The following HK2 variants were observed in gnomAD, a reference collection of about 807,000 sequenced individuals.
HK2 encodes the protein hexokinase-2.
A neutral mutation model predicts 92.9 loss-of-function variants in HK2; 42 were observed. That is an observed-to-expected ratio of 0.45 (90% CI 0.35 to 0.58). HK2 has a LOEUF of 0.58. HK2 is among the 20% of genes least tolerant of loss of function. The pLI, the probability that HK2 is intolerant of heterozygous loss-of-function variation, is 0.00. For synonymous variants in HK2, 422 were observed against 468.0 expected, an observed-to-expected ratio of 0.90 and a Z score of 1.27; for missense variants, 978 against 1,245.1, an observed-to-expected ratio of 0.79 and a Z score of 3.23.
intron 2 of HK2, among the ~76,000 whole-genome samples, chr2:74,863,021 A>G (rs1688866586): frequency 3.3e-5 from 5 of 152,228 alleles, no homozygotes; most frequent in Admixed American, 3.3e-4. Flanking sequence ...AAAGCTGAAC[A>G]TGCTCAGAGC....
At chr2:74,843,716 C>T (rs1317390072) in intron 1 of HK2, among the ~76,000 whole-genome samples, 3 of 152,158 alleles carry the variant, frequency 2.0e-5, no homozygotes, top group Non-Finnish European at 4.4e-5. Context: ...TTCCTTCTGG[C>T]ATCTCCATAT....
Position 74,885,590 on chromosome 2 carries a change from G to A in HK2, c.1935+1G>A. 1 of 1,604,406 alleles carries A rather than the reference G, an allele frequency of 6.2e-7. No individual in the cohort carries two copies. Among genetic ancestry groups the A allele is most frequent in the South Asian group, 1.1e-5 (1 of 90,928 alleles). On this transcript the variant is annotated splice_donor_variant, in intron 13 of 17. Coordinates refer to ENST00000290573, the MANE Select transcript of HK2 (RefSeq NM_000189.5). LOFTEE classifies it high-confidence loss of function. ...GAAGGAAGCGATCCACCGGCGAGAGGTAGGAGACACATGGCACGAGGTCTG... is the reference window on the plus strand; with the variant it reads ...GAAGGAAGCGATCCACCGGCGAGAGATAGGAGACACATGGCACGAGGTCTG...
chr2:74,881,571 G>C, intron 10 of HK2, 140 bp from the exon 11 acceptor site: 1 of 899,110 alleles, frequency 1.1e-6, no homozygotes, highest in Non-Finnish European at 1.8e-6. Flanking sequence ...GGACTCTTCT[G>C]TTCCTTCTGT....
intron 2 of HK2, among the ~76,000 whole-genome samples, chr2:74,863,946 CAAGG>C (rs1688890957): frequency 6.6e-6 from 1 of 152,336 alleles, no homozygotes; most frequent in Middle Eastern, 3.4e-3. Context: ...CATTGAGTGA[CAAGG>C]AAGAGCCAGA....
intron 1 of HK2, among the ~76,000 whole-genome samples, chr2:74,847,240 C>A (rs545937513): frequency 3.3e-5 from 5 of 152,262 alleles, no homozygotes; most frequent in African/African-American, 9.6e-5. Flanking sequence ...GAGGGTGTGC[C>A]CTGCAGACAC....
In HK2 at chr2:74,892,336, T is replaced by G. The variant is rs887445628; in HGVS notation, c.*1395T>G. ...CTCAGGGACAACATTTTTGGTGTAT[T>G]TGAGCCCTCCCAGCAAGTTTCACCT... On this transcript the variant is annotated 3_prime_UTR_variant, in exon 18 of 18. Coordinates refer to ENST00000290573, the MANE Select transcript of HK2 (RefSeq NM_000189.5). 1 of 152,180 alleles carries G rather than the reference T, an allele frequency of 6.6e-6. No individual in the cohort carries two copies. Among genetic ancestry groups the G allele is most frequent in the Non-Finnish European group, 1.5e-5 (1 of 68,028 alleles). The allele number at this position is 152,180 out of a possible 1,614,324, so 9.4% of individuals were successfully genotyped here. A position where few individuals can be genotyped will look rare whatever the true frequency, so the allele number is the denominator to read the frequency against.
Position 74,878,702 on chromosome 2 carries a change from T to C in HK2, c.1046T>C (p.Ile349Thr), listed in dbSNP as rs1352050850. ...CTGTTTCCCAGGGAGAAGGATGGCATCCGGAAGGCCCGTGAGGTCCTGATG... is the reference window on the plus strand; with the variant it reads ...CTGTTTCCCAGGGAGAAGGATGGCACCCGGAAGGCCCGTGAGGTCCTGATG... ...ISDIEGEKDGIRKAREVLMRL... is the reference protein window; with the variant it reads ...ISDIEGEKDGTRKAREVLMRL... Residue 349 changes from isoleucine (I) to threonine (T), a missense_variant, in exon 9 of 18, where the codon ATC becomes ACC. Coordinates refer to ENST00000290573, the MANE Select transcript of HK2 (RefSeq NM_000189.5). 1 of 1,605,996 alleles carries C rather than the reference T, an allele frequency of 6.2e-7. No individual in the cohort carries two copies. Among genetic ancestry groups the C allele is most frequent in the East Asian group, 2.2e-5 (1 of 44,620 alleles).
chr2:74,885,986 G>T (rs902529803), intron 13 of HK2, among the ~76,000 whole-genome samples: 1 of 151,922 alleles, frequency 6.6e-6, no homozygotes, highest in East Asian at 1.9e-4. Flanking sequence ...GCTAAACAAG[G>T]GGTGTATTAT....
chr2:74,867,720 A>G lies in HK2; in HGVS notation c.311A>G (p.Lys104Arg). 1 of 1,614,184 alleles carries G rather than the reference A, an allele frequency of 6.2e-7. No homozygotes were observed. The highest frequency in any genetic ancestry group is 8.5e-7 in the Non-Finnish European group (1 of 1,180,008). The change falls in exon 3 of 18, where the codon AAG (lysine) becomes AGG (arginine). Residue 104 changes from lysine to arginine, a missense_variant. This residue lies in a region of HK2 where 189 missense variants were observed against 289.5 expected (regional missense o/e 0.65). Transcript: ENST00000290573. ...AAAGTAACGGACAATGGGCTCCAGA[A>G]GGTGGAGATGGAGAATCAGATCTAT... Reference protein sequence around the residue: ...WVKVTDNGLQKVEMENQIYAI... With the variant: ...WVKVTDNGLQRVEMENQIYAI...
At chr2:74,846,359 T>C (rs1449185127) in intron 1 of HK2, among the ~76,000 whole-genome samples, 3 of 151,944 alleles carry the variant, frequency 2.0e-5, no homozygotes, top group African/African-American at 7.3e-5. Flanking sequence ...ATAATGCACA[T>C]GGGAAACTGA....
chr2:74,880,600 T>C (rs773018649), intron 10 of HK2, 31 bp downstream of exon 10: 2 of 1,603,708 alleles, frequency 1.2e-6, no homozygotes, highest in East Asian at 2.2e-5. Context: ...CTGGCTCACA[T>C]GGTGGGCCTT....
rs1165589605 is a variant in HK2, at chr2:74,892,288, A to T, written c.*1347A>T. 1.3e-5 allele frequency: 2 copies of T among 152,198 alleles called. No individual in the cohort carries two copies. The highest frequency in any genetic ancestry group is 2.9e-5 in the Non-Finnish European group (2 of 68,028). 9.4% of individuals were successfully genotyped at this position (152,198 alleles called of 1,614,324 possible). ...ATCCTCAACAACAAACCAAAACAGAACAATTAAACAGCCAAATAAAACCTC... is the reference window on the plus strand; with the variant it reads ...ATCCTCAACAACAAACCAAAACAGATCAATTAAACAGCCAAATAAAACCTC... On this transcript the variant is annotated 3_prime_UTR_variant, in exon 18 of 18. Transcript: ENST00000290573.
At chr2:74,857,310 C>T (rs1573366558) in intron 2 of HK2, among the ~76,000 whole-genome samples, 1 of 152,220 alleles carries the variant, frequency 6.6e-6, no homozygotes, top group African/African-American at 2.4e-5. Flanking sequence ...TTCACACAAA[C>T]ACTTCTGAGA....
chr2:74,881,944 T>C lies in HK2; in HGVS notation c.1719+85T>C, dbSNP rs1007568789. 1.0e-5 allele frequency: 16 copies of C among 1,532,198 alleles called. No homozygotes were observed. The African/African-American group carries it at 2.0e-4, about 20-fold the overall frequency. 94.9% of individuals were successfully genotyped at this position (1,532,198 alleles called of 1,614,324 possible). On this transcript the variant is annotated intron_variant, in intron 11 of 17. Coordinates refer to ENST00000290573, the MANE Select transcript of HK2 (RefSeq NM_000189.5). ...GGACAGTGCTTTCTCTGCTCATCTGTGACCCTGGGGAGGGCTAGCTGGACC... is the reference window on the plus strand; with the variant it reads ...GGACAGTGCTTTCTCTGCTCATCTGCGACCCTGGGGAGGGCTAGCTGGACC...
rs1688108731 is a variant in HK2 at position 74,834,758 on chromosome 2, C to A, written c.63+115C>A. The A allele has an allele frequency of 8.1e-7, 1 of 1,230,422 alleles. No individual in the cohort carries two copies. The highest frequency in any genetic ancestry group is 1.2e-6 in the Non-Finnish European group (1 of 840,562). 76.2% of individuals were successfully genotyped at this position (1,230,422 alleles called of 1,614,324 possible). ...TTCCTCCCTACTCCGGGCCTGGGAG[C>A]GGAAAAAGTTTGGGCAGCCGGGACA... On this transcript the variant is annotated intron_variant, in intron 1 of 17. Transcript: ENST00000290573. This position sits in a 1 kb window ranked among gnomAD's most constrained non-coding sequence, Gnocchi z 4.2.
At chr2:74,872,220 G>A (rs543155223) in intron 3 of HK2, 80 bp from the exon 4 acceptor site, 35 of 1,443,108 alleles carry the variant, frequency 2.4e-5, no homozygotes, top group African/African-American at 1.1e-4. Context: ...AGCTAGTTAC[G>A]TGCTGAGCCT....
At position 74,837,106 on chromosome 2, in the gene HK2, G is replaced by A. The variant is rs145409805; in HGVS notation, c.63+2463G>A. Among the ~76,000 whole-genome samples, 12 of 152,334 alleles carry A rather than the reference G, an allele frequency of 7.9e-5. No individual in the cohort carries two copies. In the East Asian group the frequency reaches 2.3e-3, roughly 29 times the overall value. ...ACCTGGCACTGTTCTAAGCTCTTAG[G>A]TATGTCAGCTTATTAACATTCAAAT... is the stretch of plus-strand genomic sequence containing the variant. On this transcript the variant is annotated intron_variant, in intron 1 of 17. Coordinates refer to ENST00000290573, the MANE Select transcript of HK2 (RefSeq NM_000189.5).
intron 2 of HK2, among the ~76,000 whole-genome samples, chr2:74,867,011 T>TAATAC (rs1688965167): frequency 6.6e-6 from 1 of 152,154 alleles, no homozygotes; most frequent in Admixed American, 6.5e-5. Context: ...GCTTGCAATT[T>TAATAC]GGTGTTCTGG....
rs183847619 is a variant in HK2, at chr2:74,842,511, C to T, written c.63+7868C>T. On this transcript the variant is annotated intron_variant, in intron 1 of 17. Coordinates refer to ENST00000290573, the MANE Select transcript of HK2 (RefSeq NM_000189.5). Reference sequence around the variant, plus strand: ...CACAGTCTTAGATGTCCCACTGCACCGTCCGCCTGGACAGGAGCAAAAAGA... The same window carrying T: ...CACAGTCTTAGATGTCCCACTGCACTGTCCGCCTGGACAGGAGCAAAAAGA... Among the ~76,000 whole-genome samples, 17 of 152,278 alleles carry T rather than the reference C, an allele frequency of 1.1e-4. No individual in the cohort carries two copies. The East Asian group carries it at 1.9e-3, about 17-fold the overall frequency.
Sources: allele counts gnomAD v4.1 joint callset (sites outside exome capture counted in the v4.1 genomes callset), GRCh38; gene constraint gnomAD v4.1.1; regional missense constraint gnomAD v4.1.1; non-coding constraint Gnocchi (gnomAD v3.1); transcripts MANE v1.5; gene names NCBI Gene and HGNC (gene_info 2026-07-23, HGNC 2026-07-21).